ATF3: variants seen among roughly 807,000 people sequenced by gnomAD.
ATF3 encodes the protein activating transcription factor 3.
ATF3 carries 10 observed loss-of-function variants against 18.4 expected under a neutral mutation model. That is an observed-to-expected ratio of 0.54 (90% CI 0.34 to 0.92). ATF3 has a LOEUF of 0.92. ATF3 is among the 40% of genes least tolerant of loss of function. The pLI is 0.02. For synonymous variants in ATF3, 78 were observed against 87.9 expected, an observed-to-expected ratio of 0.89 and a Z score of 0.63; for missense variants, 183 against 222.3, an observed-to-expected ratio of 0.82 and a Z score of 1.12.
intron 1 of ATF3, among the ~76,000 whole-genome samples, chr1:212,599,305 T>G (rs1026303356): frequency 2.0e-5 from 3 of 152,232 alleles, no homozygotes; most frequent in African/African-American, 7.2e-5. Flanking sequence ...GTTTGTCAGT[T>G]CTCAACTATG....
chr1:212,589,414 A>G (rs558031408), intron 1 of ATF3, among the ~76,000 whole-genome samples: 1 of 152,366 alleles, frequency 6.6e-6, no homozygotes, highest in South Asian at 2.1e-4. Flanking sequence ...GTTACTTTCT[A>G]GATGGAGGAA....
At chr1:212,583,967 C>A (rs1664732478) in intron 1 of ATF3, among the ~76,000 whole-genome samples, 1 of 152,144 alleles carries the variant, frequency 6.6e-6, no homozygotes, top group East Asian at 1.9e-4. Context: ...CAGTGATGAC[C>A]AAAACAGACC....
intron 1 of ATF3, among the ~76,000 whole-genome samples, chr1:212,588,360 G>A (rs897936465): frequency 6.6e-6 from 1 of 152,080 alleles, no homozygotes; most frequent in South Asian, 2.1e-4. Context: ...GTGAAGACAG[G>A]TTTGCTGACA....
intron 1 of ATF3, among the ~76,000 whole-genome samples, chr1:212,591,687 G>T (rs138738926): frequency 6.6e-6 from 1 of 152,118 alleles, no homozygotes; most frequent in Non-Finnish European, 1.5e-5. Flanking sequence ...ATTTGCAAAC[G>T]TACACATATA....
chr1:212,599,953 C>A (rs184545583), intron 1 of ATF3, among the ~76,000 whole-genome samples: 53 of 152,274 alleles, frequency 3.5e-4, no homozygotes, highest in African/African-American at 1.2e-3. Flanking sequence ...GGGAGGGCCC[C>A]CGAAAGTGAG....
intron 1 of ATF3, among the ~76,000 whole-genome samples, chr1:212,571,171 G>A (rs1664472945): frequency 1.3e-5 from 2 of 152,200 alleles, no homozygotes; most frequent in East Asian, 3.8e-4. Context: ...TGGGTGTGCA[G>A]TGGTAGCTTA....
upstream of ATF3, among the ~76,000 whole-genome samples, chr1:212,604,524 A>G (rs2102643748): frequency 6.6e-6 from 1 of 152,318 alleles, no homozygotes; most frequent in Middle Eastern, 3.4e-3. Context: ...TCTTGGAAGT[A>G]TTGGAGGTGG....
intron 1 of ATF3, among the ~76,000 whole-genome samples, chr1:212,579,679 G>A (rs1345435000): frequency 1.3e-5 from 2 of 152,152 alleles, no homozygotes; most frequent in Admixed American, 6.5e-5. Flanking sequence ...GTTAAGTCAC[G>A]TAATCACCCT....
chr1:212,579,389 C>A (rs1164228612), intron 1 of ATF3, among the ~76,000 whole-genome samples: 3 of 152,118 alleles, frequency 2.0e-5, no homozygotes, highest in African/African-American at 7.2e-5. Context: ...ACTCTAAGCA[C>A]CACAAAGAGC....
At chr1:212,616,803 G>C (rs192101497) in intron 2 of ATF3, among the ~76,000 whole-genome samples, 1 of 152,276 alleles carries the variant, frequency 6.6e-6, no homozygotes, top group Admixed American at 6.5e-5. Context: ...CTGATAGATT[G>C]GATGTGGGGT....
chr1:212,597,133 T>G (rs1238838449), intron 1 of ATF3, among the ~76,000 whole-genome samples: 1 of 152,228 alleles, frequency 6.6e-6, no homozygotes, highest in Non-Finnish European at 1.5e-5. Context: ...CAGCAAGGCA[T>G]GTCCAACACA....
At chr1:212,606,600 G>A (rs972272731), upstream of ATF3, among the ~76,000 whole-genome samples, 2 of 152,208 alleles carry the variant, frequency 1.3e-5, no homozygotes, top group Non-Finnish European at 2.9e-5. Context: ...TGGCTTGGGT[G>A]TTTTAATGGA....
At chr1:212,614,389 C>T (rs909057080) in intron 1 of ATF3, among the ~76,000 whole-genome samples, 14 of 152,238 alleles carry the variant, frequency 9.2e-5, no homozygotes, top group African/African-American at 3.4e-4. Flanking sequence ...AAGAAACGCA[C>T]CTGGCTACAG....
intron 1 of ATF3, among the ~76,000 whole-genome samples, chr1:212,609,382 G>GA (rs1333722780): frequency 6.8e-6 from 1 of 146,480 alleles, no homozygotes; most frequent in South Asian, 2.3e-4. Flanking sequence ...GGGTGGGGGG[G>GA]GGGGGGCGCA....
chr1:212,610,599 G>A (rs4951455), intron 1 of ATF3, among the ~76,000 whole-genome samples: 15,484 of 152,226 alleles, frequency 0.1, 1,260 homozygotes, highest in Admixed American at 0.23. Flanking sequence ...CTGTGGCAGT[G>A]ATGGGAGCCT....
At chr1:212,611,655 A>C (rs1654898452) in intron 1 of ATF3, among the ~76,000 whole-genome samples, 37 of 152,246 alleles carry the variant, frequency 2.4e-4, no homozygotes, top group Admixed American at 2.4e-3. Flanking sequence ...TCCTAGTAAC[A>C]TAAGATGGTT....
Position 212,618,787 on chromosome 1 carries a change from G to T in ATF3, c.348+553G>T. The stretch of plus-strand genomic sequence containing the variant: ...AGAGACACTAGGGGAAATAGCTTTT[G>T]TGGGCAAGCAGGGTGGCCGGTGGTG... On this transcript the variant is annotated intron_variant, in intron 3 of 3. Transcript: ENST00000341491. The surrounding 1 kb of genome is among the most constrained non-coding windows in gnomAD (Gnocchi z 4.4). 1.8e-6 allele frequency: 1 copy of T among 560,686 alleles called. No individual in the cohort carries two copies. Among genetic ancestry groups the T allele is most frequent in the South Asian group, 2.0e-5 (1 of 49,314 alleles). The allele number at this position is 560,686 out of a possible 1,614,324, so 34.7% of individuals were successfully genotyped here.
intron 1 of ATF3, among the ~76,000 whole-genome samples, chr1:212,571,972 A>C (rs1326188010): frequency 6.6e-6 from 1 of 151,600 alleles, no homozygotes; most frequent in Non-Finnish European, 1.5e-5. Flanking sequence ...TCGGCCTCCC[A>C]AAGTGCTGGG....
chr1:212,607,434 C>A (rs939076402), upstream of ATF3, among the ~76,000 whole-genome samples: 2 of 152,190 alleles, frequency 1.3e-5, no homozygotes, highest in Non-Finnish European at 2.9e-5. Flanking sequence ...TTGGTTCTGC[C>A]GCTCTCTGAG....
Sources: allele counts gnomAD v4.1 joint callset (sites outside exome capture counted in the v4.1 genomes callset), GRCh38; gene constraint gnomAD v4.1.1; non-coding constraint Gnocchi (gnomAD v3.1); transcripts MANE v1.5; gene names NCBI Gene and HGNC (gene_info 2026-07-23, HGNC 2026-07-21).